The following ADGRL1 variants were observed in gnomAD, a reference collection of about 807,000 sequenced individuals.
The protein encoded by ADGRL1 is CIRL-1.
A neutral mutation model predicts 148.9 loss-of-function variants in ADGRL1; 31 were observed. That is an observed-to-expected ratio of 0.21 (90% CI 0.16 to 0.28). ADGRL1 has a LOEUF of 0.28. Among genes scored for constraint, ADGRL1 ranks in the 10% least tolerant of loss-of-function variants. ADGRL1 has a pLI of 1.00. For synonymous variants in ADGRL1, 937 were observed against 900.3 expected, an observed-to-expected ratio of 1.04 and a Z score of -0.73; for missense variants, 1,521 against 2,058.8, an observed-to-expected ratio of 0.74 and a Z score of 5.05.
chr19:14,161,654 TC>T lies in ADGRL1; in HGVS notation c.1196-29del, dbSNP rs960141127. 7.4e-7 allele frequency: 1 copy of T among 1,356,908 alleles called. No homozygotes were observed. Among genetic ancestry groups the T allele is most frequent in the African/African-American group, 1.5e-5 (1 of 66,570 alleles). The allele number at this position is 1,356,908 out of a possible 1,614,324, so 84.1% of individuals were successfully genotyped here. On this transcript the variant is annotated intron_variant, in intron 5 of 22. Coordinates refer to ENST00000361434, the MANE Select transcript of ADGRL1 (RefSeq NM_014921.5). This position sits in a 1 kb window ranked among gnomAD's most constrained non-coding sequence, Gnocchi z 4.4. ...GGAGAGGGGATACGAGACAGGGTCA[TC>T]CCCATGCTCAGGGCCATGCCACAGT... is the stretch of plus-strand genomic sequence containing the variant.
intron 3 of ADGRL1, among the ~76,000 whole-genome samples, chr19:14,174,398 G>A (rs931642036): frequency 2.0e-5 from 3 of 152,134 alleles, no homozygotes; most frequent in Non-Finnish European, 4.4e-5. Context: ...GAGAGAGGCA[G>A]AGAGGAGGAG....
At position 14,157,936 on chromosome 19, in the gene ADGRL1, C is replaced by T. The variant is rs760053177; in HGVS notation, c.2481G>A (p.Thr827=). 1.2e-5 allele frequency: 20 copies of T among 1,614,096 alleles called. No homozygotes were observed. The highest frequency in any genetic ancestry group is 5.3e-5 in the African/African-American group (4 of 74,942). Residue 827 remains threonine, a synonymous_variant, in exon 13 of 23, where the codon ACG becomes ACA. Coordinates refer to ENST00000361434, the MANE Select transcript of ADGRL1 (RefSeq NM_014921.5). The surrounding 1 kb of genome is among the most constrained non-coding windows in gnomAD (Gnocchi z 7.5). ...RLVESNKTHT[T]CACSHLTNFA... is the part of the protein sequence containing the mutation. ...AGTTGGTGAGGTGGCTGCAGGCACA[C>T]GTGGTATGGGTCTTGTTGGACTCCA...
intron 1 of ADGRL1, among the ~76,000 whole-genome samples, chr19:14,195,501 G>A (rs1972203974): frequency 6.6e-6 from 1 of 151,926 alleles, no homozygotes; most frequent in Non-Finnish European, 1.5e-5. Context: ...GGGGATCTGG[G>A]ATCTGGGCCC....
rs1400108124 is a variant in ADGRL1 at position 14,157,533 on chromosome 19, A to T, written c.2536-73T>A. On this transcript the variant is annotated intron_variant, in intron 13 of 22. Coordinates refer to ENST00000361434, the MANE Select transcript of ADGRL1 (RefSeq NM_014921.5). This position sits in a 1 kb window ranked among gnomAD's most constrained non-coding sequence, Gnocchi z 7.5. ...CTGGGCTCAGCCAGGTGCCAGCCAC[A>T]GACAGGGCCCTGGGCAAGGCCATGG... 1.1e-5 allele frequency: 16 copies of T among 1,487,350 alleles called. No homozygotes were observed. The highest frequency in any genetic ancestry group is 1.5e-5 in the Non-Finnish European group (16 of 1,072,492). The allele number at this position is 1,487,350 out of a possible 1,614,324, so 92.1% of individuals were successfully genotyped here.
chr19:14,159,378 C>A lies in ADGRL1; in HGVS notation c.2023+23G>T. ...GGTTTAAGGTTCGTATCTGAGTTTG[C>A]CCTGGGTGACTGTGGCACTCACCCA... On this transcript the variant is annotated intron_variant, in intron 10 of 22. Transcript: ENST00000361434. The surrounding 1 kb of genome is among the most constrained non-coding windows in gnomAD (Gnocchi z 6.0). The A allele has an allele frequency of 1.3e-6, 2 of 1,591,972 alleles. No individual in the cohort carries two copies.
At chr19:14,204,212 C>T (rs546946699) in intron 1 of ADGRL1, among the ~76,000 whole-genome samples, 45 of 152,262 alleles carry the variant, frequency 3.0e-4, no homozygotes, top group African/African-American at 1.0e-3. Flanking sequence ...TGTAATCCTT[C>T]TCTTATTCTC....
chr19:14,156,946 C>T lies in ADGRL1; in HGVS notation c.2945G>A (p.Arg982His), dbSNP rs745308145. ...TCACGCCTTCTCGGTGCCGTAGCTG[C>T]GGTAGTCAATGGCAGCCGCGATGCC... The part of the protein sequence containing the change: ...VVGIAAAIDY[R>H]SYGTEKACWL... The change falls in exon 15 of 23, where the codon CGC becomes CAC. Residue 982 changes from arginine (R) to histidine (H), a missense_variant. Arg to His is a conservative substitution (Grantham distance 29). This residue lies in a region of ADGRL1 where 185 missense variants were observed against 251.7 expected (regional missense o/e 0.74). Coordinates refer to ENST00000361434, the MANE Select transcript of ADGRL1 (RefSeq NM_014921.5). 43 of 1,612,018 alleles carry T rather than the reference C, an allele frequency of 2.7e-5. No homozygotes were observed. The highest frequency in any genetic ancestry group is 4.5e-5 in the East Asian group (2 of 44,848).
At chr19:14,184,646 A>ATTTATTTATTTTATTT (rs1555790748) in intron 1 of ADGRL1, among the ~76,000 whole-genome samples, 2 of 97,732 alleles carry the variant, frequency 2.0e-5, no homozygotes, top group African/African-American at 8.3e-5. Context: ...TTATTTATTT[A>ATTTATTTATTTTATTT]TTTTTTTTTC....
chr19:14,163,367 G>A lies in ADGRL1; in HGVS notation c.434C>T (p.Pro145Leu). 1 of 1,592,554 alleles carries A rather than the reference G, an allele frequency of 6.3e-7. No individual in the cohort carries two copies. The highest frequency in any genetic ancestry group is 8.5e-7 in the Non-Finnish European group (1 of 1,170,814). The change falls in exon 5 of 23, where the codon CCC becomes CTC. Residue 145 changes from proline (P) to leucine (L), a missense_variant. Physicochemically the swap from Pro to Leu is moderately conservative, Grantham distance 98. Around this residue, in one of 8 missense-constraint regions of ADGRL1, gnomAD observed 334 missense variants for 512.5 expected, o/e 0.65. Coordinates refer to ENST00000361434, the MANE Select transcript of ADGRL1 (RefSeq NM_014921.5). ...CPGTLQKVLE[P>L]TSTHESEHQS... ...GTGCTCTGACTCGTGTGTCGAGGTG[G>A]GCTCCAGCACCTTCTGCAGGGTCCC...
intron 3 of ADGRL1, among the ~76,000 whole-genome samples, chr19:14,174,422 T>TCCAGC (rs773171675): frequency 5.3e-5 from 8 of 151,820 alleles, no homozygotes; most frequent in Non-Finnish European, 8.8e-5. Flanking sequence ...ATGAGGTGCC[T>TCCAGC]CCAGCCCAGC....
At chr19:14,204,174 A>G (rs1418080290) in intron 1 of ADGRL1, among the ~76,000 whole-genome samples, 1 of 152,180 alleles carries the variant, frequency 6.6e-6, no homozygotes, top group Non-Finnish European at 1.5e-5. Context: ...AAAATCACGG[A>G]TAATTTTCTC....
In ADGRL1 at chr19:14,158,562, A is replaced by C. The variant is rs1164213922; in HGVS notation, c.2150-10T>G. 6.2e-7 allele frequency: 1 copy of C among 1,610,172 alleles called. No individual in the cohort carries two copies. The highest frequency in any genetic ancestry group is 1.3e-5 in the African/African-American group (1 of 74,944). Reference sequence around the variant, plus strand: ...ACAACTTTGACCACCCCTGGTGAGAACAGGCACGTTTGGATGTGTCAGCAT... The same window carrying C: ...ACAACTTTGACCACCCCTGGTGAGACCAGGCACGTTTGGATGTGTCAGCAT... On this transcript the variant is annotated splice_polypyrimidine_tract_variant and intron_variant, in intron 11 of 22. Transcript: ENST00000361434.
chr19:14,198,597 T>C (rs1972412402), intron 1 of ADGRL1, among the ~76,000 whole-genome samples: 1 of 151,514 alleles, frequency 6.6e-6, no homozygotes, highest in South Asian at 2.1e-4. Flanking sequence ...GCAAACCCCC[T>C]ACCTCTACCC....
rs1969254831 is a variant in ADGRL1, at chr19:14,160,559, C to A, written c.1614+34G>T. 1 of 1,493,232 alleles carries A rather than the reference C, an allele frequency of 6.7e-7. No individual in the cohort carries two copies. The allele number at this position is 1,493,232 out of a possible 1,614,324, so 92.5% of individuals were successfully genotyped here. A position where few individuals can be genotyped will look rare whatever the true frequency, so the allele number is the denominator to read the frequency against. ...GGGCCCTGGGCCCTGGGCCCGAGCA[C>A]ATGTGCCTGCCTGCGAGGGGTGGTG... On this transcript the variant is annotated intron_variant, in intron 7 of 22. Transcript: ENST00000361434. This position sits in a 1 kb window ranked among gnomAD's most constrained non-coding sequence, Gnocchi z 5.9.
In ADGRL1 at chr19:14,158,364, C is replaced by T; in HGVS notation, c.2338G>A (p.Val780Ile). The T allele has an allele frequency of 6.2e-7, 1 of 1,613,786 alleles. No homozygotes were observed. Among genetic ancestry groups the T allele is most frequent in the South Asian group, 1.1e-5 (1 of 91,086 alleles). The change falls in exon 12 of 23, where the codon GTC becomes ATC. Residue 780 changes from valine (V) to isoleucine (I), a missense_variant. Coordinates refer to ENST00000361434, the MANE Select transcript of ADGRL1 (RefSeq NM_014921.5). ...TCCAGGTGGGCCACGGTGAAGATGA[C>T]AGGGTCCATGAGGAAGACGCGGCTG... The part of the protein sequence containing the change: ...ESSRVFLMDP[V>I]IFTVAHLEDK...
At chr19:14,156,050 G>A in intron 17 of ADGRL1, 60 bp downstream of exon 17, 1 of 1,314,310 alleles carries the variant, frequency 7.6e-7, no homozygotes, top group Non-Finnish European at 1.1e-6. Flanking sequence ...TGGAAGAGGT[G>A]GGCCCAGCGT....
chr19:14,155,283 C>A lies in ADGRL1; in HGVS notation c.3294+76G>T. On this transcript the variant is annotated intron_variant, in intron 18 of 22. Coordinates refer to ENST00000361434, the MANE Select transcript of ADGRL1 (RefSeq NM_014921.5). The surrounding 1 kb of genome is among the most constrained non-coding windows in gnomAD (Gnocchi z 5.0). ...GAGGGAGCCCCTGAGTCCCCTCCAC[C>A]CTCGCCGCCTTCTCCTGGGTACCCA... 1 of 1,546,832 alleles carries A rather than the reference C, an allele frequency of 6.5e-7. No homozygotes were observed. The highest frequency in any genetic ancestry group is 1.2e-5 in the South Asian group (1 of 83,042).
chr19:14,190,607 A>AC (rs1166714668), intron 1 of ADGRL1, among the ~76,000 whole-genome samples: 1 of 152,064 alleles, frequency 6.6e-6, no homozygotes, highest in Non-Finnish European at 1.5e-5. Flanking sequence ...GTACCCTTTG[A>AC]CCTACATCCC....
chr19:14,197,299 G>A (rs945298294), intron 1 of ADGRL1, among the ~76,000 whole-genome samples: 7 of 152,064 alleles, frequency 4.6e-5, no homozygotes, highest in African/African-American at 7.2e-5. Context: ...AGGTCACCCC[G>A]GCCACCAAGC....
Sources: allele counts gnomAD v4.1 joint callset (sites outside exome capture counted in the v4.1 genomes callset), GRCh38; gene constraint gnomAD v4.1.1; regional missense constraint gnomAD v4.1.1; non-coding constraint Gnocchi (gnomAD v3.1); transcripts MANE v1.5; gene names NCBI Gene and HGNC (gene_info 2026-07-23, HGNC 2026-07-21).